The following FSIP1 variants were observed in gnomAD, a reference collection of about 807,000 sequenced individuals.
FSIP1 encodes fibrous sheath interacting protein 1.
In FSIP1, 65 loss-of-function variants were observed where a neutral mutation model predicts 60.9. The observed-to-expected ratio is 1.07, with a 90% CI of 0.87 to 1.31. The LOEUF (loss-of-function observed/expected upper bound fraction) is 1.31, where lower values mean the gene tolerates loss of function less well. Among genes scored for constraint, FSIP1 ranks in the 40% most tolerant of loss-of-function variants. The pLI is 0.00. For missense variants in FSIP1, 675 were observed against 665.5 expected, an observed-to-expected ratio of 1.01 and a Z score of -0.16; for synonymous variants, 209 against 221.2, an observed-to-expected ratio of 0.94 and a Z score of 0.49.
At chr15:39,699,459 A>C (rs1238705712) in intron 10 of FSIP1, among the ~76,000 whole-genome samples, 1 of 152,214 alleles carries the variant, frequency 6.6e-6, no homozygotes, top group Non-Finnish European at 1.5e-5. Context: ...TTGAACGTCC[A>C]CTTTTTTGAA....
intron 10 of FSIP1, among the ~76,000 whole-genome samples, chr15:39,666,981 T>A (rs1442591186): frequency 6.6e-6 from 1 of 152,208 alleles, no homozygotes; most frequent in Non-Finnish European, 1.5e-5. Context: ...GAGATTACCA[T>A]TCTTCAGCTC....
intron 9 of FSIP1, among the ~76,000 whole-genome samples, chr15:39,720,715 A>C (rs888224022): frequency 6.6e-6 from 1 of 152,214 alleles, no homozygotes; most frequent in Non-Finnish European, 1.5e-5. Flanking sequence ...AATAAGAAGT[A>C]TGGTAACTAA....
chr15:39,638,808 G>A (rs1337314182), intron 10 of FSIP1, among the ~76,000 whole-genome samples: 1 of 146,550 alleles, frequency 6.8e-6, no homozygotes, highest in Non-Finnish European at 1.5e-5. Context: ...GGGTGCGTGT[G>A]TGGGTGCATG....
downstream of FSIP1, chr15:39,597,639 A>C (rs564666170): frequency 6.6e-5 from 10 of 152,350 alleles, no homozygotes; most frequent in Admixed American, 3.9e-4. Context: ...GCCTAGGCTT[A>C]GAATTTGCTG....
intron 11 of FSIP1, among the ~76,000 whole-genome samples, chr15:39,602,868 G>A (rs74371368): frequency 0.016 from 2,387 of 152,228 alleles, 77 homozygotes; most frequent in African/African-American, 0.054. Context: ...TTAAGTGTCT[G>A]TCTTTAGGCA....
At chr15:39,744,777 T>TCACACACACACACACACACACACA (rs55691651) in intron 5 of FSIP1, among the ~76,000 whole-genome samples, 42 of 138,064 alleles carry the variant, frequency 3.0e-4, no homozygotes, top group East Asian at 1.3e-3. Flanking sequence ...TCCCCCTCAG[T>TCACACACACACACACACACACACA]CACACACACA....
chr15:39,606,299 A>G (rs115236480), intron 11 of FSIP1, among the ~76,000 whole-genome samples: 3,161 of 152,292 alleles, frequency 0.021, 110 homozygotes, highest in African/African-American at 0.072. Flanking sequence ...TAAAAAGAAA[A>G]CAAAACTTAC....
At chr15:39,696,670 T>A (rs546215212) in intron 10 of FSIP1, among the ~76,000 whole-genome samples, 5 of 152,156 alleles carry the variant, frequency 3.3e-5, no homozygotes, top group Non-Finnish European at 7.3e-5. Flanking sequence ...TATTGGACAT[T>A]ACTAGAAATG....
intron 9 of FSIP1, among the ~76,000 whole-genome samples, chr15:39,716,631 C>T (rs1306326240): frequency 6.6e-6 from 1 of 152,150 alleles, no homozygotes; most frequent in Non-Finnish European, 1.5e-5. Flanking sequence ...TCCTCAACAT[C>T]ATTAGTCACT....
chr15:39,611,711 T>A (rs759748697), intron 11 of FSIP1, among the ~76,000 whole-genome samples: 1 of 152,110 alleles, frequency 6.6e-6, no homozygotes, highest in African/African-American at 2.4e-5. Flanking sequence ...TCAAAACACA[T>A]AGAGTGGCTG....
chr15:39,772,360 A>G (rs867802626), intron 2 of FSIP1, among the ~76,000 whole-genome samples: 5 of 150,672 alleles, frequency 3.3e-5, no homozygotes, highest in African/African-American at 9.8e-5. Flanking sequence ...TGGCATGATC[A>G]TGGCTCACTG....
chr15:39,732,785 G>A (rs372959562), intron 8 of FSIP1, among the ~76,000 whole-genome samples: 1 of 108,560 alleles, frequency 9.2e-6, no homozygotes, highest in Non-Finnish European at 2.1e-5. Context: ...CTTCATAAAG[G>A]AAAGGGCACA....
chr15:39,637,902 T>C (rs1566863140), intron 10 of FSIP1, among the ~76,000 whole-genome samples: 1 of 152,202 alleles, frequency 6.6e-6, no homozygotes, highest in Non-Finnish European at 1.5e-5. Context: ...GTTGGAAAAT[T>C]TTCATGCTAA....
chr15:39,600,810 A>G lies in FSIP1; in HGVS notation c.*70T>C. 1 of 1,235,252 alleles carries G rather than the reference A, an allele frequency of 8.1e-7. No individual in the cohort carries two copies. Among genetic ancestry groups the G allele is most frequent in the Non-Finnish European group, 1.2e-6 (1 of 856,736 alleles). 76.5% of individuals were successfully genotyped at this position (1,235,252 alleles called of 1,614,324 possible). On this transcript the variant is annotated 3_prime_UTR_variant, in exon 12 of 12. Transcript: ENST00000350221. ...TCTGCAGTGCATTCATTGAATTCAA[A>G]TAATTCAATAAGAAATTTAATTTAA...
intron 10 of FSIP1, among the ~76,000 whole-genome samples, chr15:39,680,773 C>T (rs1462579736): frequency 3.3e-5 from 5 of 152,194 alleles, no homozygotes; most frequent in Admixed American, 2.0e-4. Context: ...CAAAATAATA[C>T]AATAGCTAAC....
At chr15:39,748,595 A>C (rs1897070930) in intron 5 of FSIP1, among the ~76,000 whole-genome samples, 1 of 152,102 alleles carries the variant, frequency 6.6e-6, no homozygotes, top group Non-Finnish European at 1.5e-5. Flanking sequence ...CACACATCCA[A>C]ATGTCTCCTA....
chr15:39,613,847 A>G (rs1329968674), intron 11 of FSIP1, among the ~76,000 whole-genome samples: 2 of 152,256 alleles, frequency 1.3e-5, no homozygotes, highest in African/African-American at 4.8e-5. Context: ...AATGAAGGAT[A>G]AAAACCATAT....
chr15:39,691,895 G>C (rs1894616423), intron 10 of FSIP1, among the ~76,000 whole-genome samples: 1 of 152,154 alleles, frequency 6.6e-6, no homozygotes, highest in Non-Finnish European at 1.5e-5. Flanking sequence ...GATAGATAGA[G>C]AGCGAGTGAT....
rs1288814449 is a variant in FSIP1, at chr15:39,641,960, T to C, written c.1189-23715A>G. ...CCTTGATTATAGTGTATTATAGAAA[T>C]GCAAATTGCAGTCACAAGAATAGGA... On this transcript the variant is annotated intron_variant, in intron 10 of 11. Coordinates refer to ENST00000350221, the MANE Select transcript of FSIP1 (RefSeq NM_152597.5). Among the ~76,000 whole-genome samples the C allele has an allele frequency of 2.6e-5, 4 of 152,166 alleles. No individual in the cohort carries two copies. In the East Asian group the frequency reaches 5.8e-4, roughly 22 times the overall value.
Sources: gnomAD v4.1 joint callset for allele counts (sites outside exome capture counted in the v4.1 genomes callset) on GRCh38, gnomAD v4.1.1 for gene constraint, MANE v1.5 for transcripts, NCBI Gene and HGNC (gene_info 2026-07-23, HGNC 2026-07-21) for gene names.